GNAO1: variants seen among roughly 807,000 people sequenced by gnomAD.
The protein encoded by GNAO1 is guanine nucleotide-binding protein G(o) subunit alpha.
For synonymous variants in GNAO1, 164 were observed against 180.7 expected (o/e 0.91, Z 0.74); for missense variants, 166 against 478.7 (o/e 0.35, Z 6.10).
At chr16:56,280,183 G>A (rs1262360642) in intron 3 of GNAO1, among the ~76,000 whole-genome samples, 4 of 152,248 alleles carry the variant, frequency 2.6e-5, no homozygotes, top group African/African-American at 9.6e-5. Flanking sequence ...GAGCTCACAG[G>A]CAGAGTGAGC....
Position 56,192,346 on chromosome 16 carries a change from C to T in GNAO1, c.111C>T (p.Leu37=). 3.2e-6 allele frequency: 5 copies of T among 1,581,858 alleles called. No individual in the cohort carries two copies. Among genetic ancestry groups the T allele is most frequent in the Non-Finnish European group, 4.3e-6 (5 of 1,151,704 alleles). ...GCGCCGCCAAAGACGTGAAATTACTCCTGCTCGGTAAGGACCGCCGCTGCT... is the reference window on the plus strand; with the variant it reads ...GCGCCGCCAAAGACGTGAAATTACTTCTGCTCGGTAAGGACCGCCGCTGCT... ...GISAAKDVKL[L]LLGAGESGKS... is the part of the protein sequence containing the mutation. The change falls in exon 1 of 9, where the codon CTC becomes CTT. Residue 37 remains leucine (L), a synonymous_variant. Transcript: ENST00000262493.
chr16:56,257,035 G>A (rs1230867455), intron 2 of GNAO1, among the ~76,000 whole-genome samples: 1 of 152,088 alleles, frequency 6.6e-6, no homozygotes, highest in Non-Finnish European at 1.5e-5. Context: ...ATAGTCTCGC[G>A]TTTGGCATTA....
At chr16:56,206,223 G>C (rs951694071) in intron 2 of GNAO1, among the ~76,000 whole-genome samples, 1 of 151,882 alleles carries the variant, frequency 6.6e-6, no homozygotes, top group African/African-American at 2.4e-5. Context: ...GGGAGGCTGA[G>C]GCAGGAGAAT....
intron 3 of GNAO1, among the ~76,000 whole-genome samples, chr16:56,322,805 GAC>G (rs1381521887): frequency 1.3e-5 from 2 of 152,172 alleles, no homozygotes; most frequent in Non-Finnish European, 2.9e-5. Context: ...CATTAAATGA[GAC>G]ACAAACTGAC....
intron 2 of GNAO1, among the ~76,000 whole-genome samples, chr16:56,222,759 G>A (rs182276204): frequency 1.3e-5 from 2 of 152,284 alleles, no homozygotes; most frequent in East Asian, 1.9e-4. Flanking sequence ...TCCTCGGAGA[G>A]CATTTCATCC....
In GNAO1 at chr16:56,192,912, T is replaced by C. The variant is rs575131732; in HGVS notation, c.161+296T>C. On this transcript the variant is annotated intron_variant, in intron 2 of 8. Coordinates refer to ENST00000262493, the MANE Select transcript of GNAO1 (RefSeq NM_020988.3). ...CAGAACATCACACTATTGGCATGATTATGATCATTACTCTTGCTTGTGGAA... is the reference window on the plus strand; with the variant it reads ...CAGAACATCACACTATTGGCATGATCATGATCATTACTCTTGCTTGTGGAA... 289 of 372,770 alleles carry C rather than the reference T, an allele frequency of 7.8e-4. 2 individuals carry two copies. Among genetic ancestry groups the C allele is most frequent in the South Asian group, 2.1e-3 (45 of 21,802 alleles). The allele number at this position is 372,770 out of a possible 1,614,324, so 23.1% of individuals were successfully genotyped here.
At chr16:56,343,667 A>G in intron 6 of GNAO1, 2 of 970,536 alleles carry the variant, frequency 2.1e-6, no homozygotes, top group Non-Finnish European at 3.1e-6. Flanking sequence ...TGAGAGGCCC[A>G]AGGCCGGATG....
At chr16:56,206,619 T>C (rs1447334420) in intron 2 of GNAO1, among the ~76,000 whole-genome samples, 2 of 152,224 alleles carry the variant, frequency 1.3e-5, no homozygotes, top group Non-Finnish European at 2.9e-5. Flanking sequence ...GTTACACTAC[T>C]GTGTATGTTT....
chr16:56,232,476 C>T (rs2036598221), intron 2 of GNAO1, among the ~76,000 whole-genome samples: 1 of 152,202 alleles, frequency 6.6e-6, no homozygotes, highest in South Asian at 2.1e-4. Context: ...GCTACAAAAA[C>T]TCTTGGAGAG....
intron 2 of GNAO1, among the ~76,000 whole-genome samples, chr16:56,229,084 G>A (rs2036562390): frequency 6.6e-6 from 1 of 152,142 alleles, no homozygotes; most frequent in South Asian, 2.1e-4. Flanking sequence ...GTAAACTTTT[G>A]TAATGGAGGA....
At chr16:56,318,533 G>C (rs1429597604) in intron 3 of GNAO1, among the ~76,000 whole-genome samples, 1 of 152,212 alleles carries the variant, frequency 6.6e-6, no homozygotes, top group African/African-American at 2.4e-5. Flanking sequence ...CATGGGGCAG[G>C]GTGGGGCCAG....
At chr16:56,247,812 C>T (rs1318410993) in intron 2 of GNAO1, among the ~76,000 whole-genome samples, 2 of 152,208 alleles carry the variant, frequency 1.3e-5, no homozygotes, top group African/African-American at 4.8e-5. Context: ...GGATTGGACT[C>T]AGTGCTTCCT....
In GNAO1 at chr16:56,356,782, T is replaced by A. The variant is rs1347780153; in HGVS notation, c.*708T>A. On this transcript the variant is annotated 3_prime_UTR_variant, in exon 9 of 9. Transcript: ENST00000262493. ...AGGGGTTTTTTGGTTCCTTTTTTTT[T>A]TTTTTCAGTTTTTGTTTTTACTTTT... 1 of 152,084 alleles carries A rather than the reference T, an allele frequency of 6.6e-6. No homozygotes were observed. The highest frequency in any genetic ancestry group is 1.5e-5 in the Non-Finnish European group (1 of 67,980). 9.4% of individuals were successfully genotyped at this position (152,084 alleles called of 1,614,324 possible).
rs2037875534 is a variant in GNAO1 at position 56,346,873 on chromosome 16, C to T, written c.724-4511C>T. ...CCCTGTAACTAAGCTGTCTATAAAC[C>T]CCAGCAGGGAAGGCCAAGGGATGGT... On this transcript the variant is annotated intron_variant, in intron 6 of 8. Transcript: ENST00000262493. 6.1e-6 allele frequency: 6 copies of T among 985,322 alleles called. No homozygotes were observed. The South Asian group carries it at 2.8e-4, about 46-fold the overall frequency. 61.0% of individuals were successfully genotyped at this position (985,322 alleles called of 1,614,324 possible). A position where few individuals can be genotyped will look rare whatever the true frequency, so the allele number is the denominator to read the frequency against.
At position 56,311,472 on chromosome 16, in the gene GNAO1, A is replaced by G. The variant is rs940791068; in HGVS notation, c.304-17159A>G. Among the ~76,000 whole-genome samples, 11 of 152,148 alleles carry G rather than the reference A, an allele frequency of 7.2e-5. No homozygotes were observed. The highest frequency in any genetic ancestry group is 2.7e-4 in the African/African-American group (11 of 41,426). On this transcript the variant is annotated intron_variant, in intron 3 of 8. Coordinates refer to ENST00000262493, the MANE Select transcript of GNAO1 (RefSeq NM_020988.3). The surrounding 1 kb of genome is among the most constrained non-coding windows in gnomAD (Gnocchi z 5.2). The stretch of plus-strand genomic sequence containing the variant: ...TACCCAGAGTCACCCAGTGTCTGTC[A>G]GGGAAGATGAGGATGGCAGGGGCTA...
At position 56,244,125 on chromosome 16, in the gene GNAO1, G is replaced by T. The variant is rs139235066; in HGVS notation, c.162-31806G>T. On this transcript the variant is annotated intron_variant, in intron 2 of 8. Transcript: ENST00000262493. ...CTCGCCATGCTATACTACAGGCAAA[G>T]CAAAGGGTTCCTGCCCATGGGGAGC... 5.8e-3 allele frequency among the ~76,000 whole-genome samples: 878 copies of T among 152,308 alleles called. 6 individuals are homozygous for T. Among genetic ancestry groups the T allele is most frequent in the Non-Finnish European group, 0.01 (687 of 68,028 alleles).
chr16:56,296,782 C>T (rs1235491760), intron 3 of GNAO1, among the ~76,000 whole-genome samples: 3 of 152,126 alleles, frequency 2.0e-5, no homozygotes, highest in South Asian at 4.2e-4. Flanking sequence ...AAACAGAGCC[C>T]GTGATGGGAC....
intron 2 of GNAO1, among the ~76,000 whole-genome samples, chr16:56,225,867 G>A (rs2036528792): frequency 6.6e-6 from 1 of 152,008 alleles, no homozygotes; most frequent in Admixed American, 6.6e-5. Flanking sequence ...TAGTTGAGGA[G>A]CTCCTTTAGC....
chr16:56,198,585 G>C (rs571422902), intron 2 of GNAO1, among the ~76,000 whole-genome samples: 1 of 152,164 alleles, frequency 6.6e-6, no homozygotes, highest in Non-Finnish European at 1.5e-5. Flanking sequence ...ATAACATTTG[G>C]TGCCTCAGTT....
Sources: gnomAD v4.1 joint callset for allele counts (sites outside exome capture counted in the v4.1 genomes callset) on GRCh38, gnomAD v4.1.1 for gene constraint, Gnocchi (gnomAD v3.1) non-coding constraint, MANE v1.5 for transcripts, NCBI Gene and HGNC (gene_info 2026-07-23, HGNC 2026-07-21) for gene names.